The following ARHGAP24 variants were observed in gnomAD, a reference collection of about 807,000 sequenced individuals.
ARHGAP24 encodes the protein Rho GTPase activating protein 24.
A neutral mutation model predicts 76.4 loss-of-function variants in ARHGAP24; 50 were observed. The ratio of observed to expected loss-of-function variants is 0.65; its 90% CI spans 0.52 to 0.83. ARHGAP24 has a LOEUF of 0.83. ARHGAP24 is among the 40% of genes least tolerant of loss of function. The pLI is 0.00. For missense variants in ARHGAP24, 930 were observed against 914.2 expected, an observed-to-expected ratio of 1.02 and a Z score of -0.22; for synonymous variants, 345 against 323.3, an observed-to-expected ratio of 1.07 and a Z score of -0.72.
intron 3 of ARHGAP24, among the ~76,000 whole-genome samples, chr4:85,780,385 G>A (rs1293231420): frequency 6.6e-6 from 1 of 152,188 alleles, no homozygotes; most frequent in East Asian, 1.9e-4. Context: ...TGTTGGCCAC[G>A]CTGGTCTTGA....
chr4:85,921,067 T>TA (rs1234048492), intron 3 of ARHGAP24, among the ~76,000 whole-genome samples: 2 of 152,260 alleles, frequency 1.3e-5, no homozygotes, highest in Admixed American at 1.3e-4. Context: ...ATTATAAAGA[T>TA]ACATGCACAC....
chr4:85,800,078 G>A (rs558718592), intron 3 of ARHGAP24, among the ~76,000 whole-genome samples: 8 of 152,306 alleles, frequency 5.3e-5, no homozygotes, highest in African/African-American at 1.4e-4. Flanking sequence ...GCTGGTGAAA[G>A]CAAAGTAATC....
intron 3 of ARHGAP24, among the ~76,000 whole-genome samples, chr4:85,905,776 T>G (rs1409280997): frequency 6.6e-6 from 1 of 152,170 alleles, no homozygotes; most frequent in African/African-American, 2.4e-5. Context: ...GCAGTCGGTT[T>G]CTCCCACCCC....
chr4:85,701,636 A>G (rs150462190), intron 2 of ARHGAP24, among the ~76,000 whole-genome samples: 60 of 152,224 alleles, frequency 3.9e-4, no homozygotes, highest in Non-Finnish European at 7.1e-4. Context: ...GCCTGTCCTT[A>G]CATTTCATGT....
At chr4:85,900,844 C>T (rs575875828) in intron 3 of ARHGAP24, among the ~76,000 whole-genome samples, 34 of 152,320 alleles carry the variant, frequency 2.2e-4, no homozygotes, top group Admixed American at 1.8e-3. Context: ...CCAAGTTCCA[C>T]TCATGTTTGA....
chr4:85,887,426 A>G (rs1048760064), intron 3 of ARHGAP24, among the ~76,000 whole-genome samples: 3 of 152,184 alleles, frequency 2.0e-5, no homozygotes. Context: ...ATGACATCAA[A>G]TGAAAATCTA....
intron 2 of ARHGAP24, among the ~76,000 whole-genome samples, chr4:85,625,994 A>G (rs1374240855): frequency 1.3e-5 from 2 of 152,210 alleles, no homozygotes; most frequent in Non-Finnish European, 2.9e-5. Flanking sequence ...TCCTGAATAC[A>G]GCACACTGAT....
At chr4:85,479,560 C>G (rs1160079438) in intron 1 of ARHGAP24, among the ~76,000 whole-genome samples, 1 of 152,122 alleles carries the variant, frequency 6.6e-6, no homozygotes, top group African/African-American at 2.4e-5. Flanking sequence ...TAATAATTAT[C>G]TGGAGTGCTG....
In ARHGAP24 at chr4:85,559,253, A is replaced by T. The variant is rs934921231; in HGVS notation, c.-20-11269A>T. 5.3e-5 allele frequency among the ~76,000 whole-genome samples: 8 copies of T among 152,082 alleles called. No individual in the cohort carries two copies. The East Asian group carries it at 1.5e-3, about 29-fold the overall frequency. On this transcript the variant is annotated intron_variant, in intron 1 of 9. Coordinates refer to ENST00000395184, the MANE Select transcript of ARHGAP24 (RefSeq NM_001025616.3). Reference sequence around the variant, plus strand: ...TACTTTTCAGATTTAGGTGTGGAAAACCTCTTAAAAATTAATAAATGAGTT... The same window carrying T: ...TACTTTTCAGATTTAGGTGTGGAAATCCTCTTAAAAATTAATAAATGAGTT...
chr4:85,494,068 G>T (rs1315661042), intron 1 of ARHGAP24, among the ~76,000 whole-genome samples: 1 of 152,128 alleles, frequency 6.6e-6, no homozygotes, highest in East Asian at 1.9e-4. Flanking sequence ...ACAAATCAAG[G>T]TTGTATTTTT....
intron 2 of ARHGAP24, among the ~76,000 whole-genome samples, chr4:85,620,208 C>T (rs9999652): frequency 0.94 from 142,706 of 152,042 alleles, 67,047 homozygotes; most frequent in East Asian, 0.98. Flanking sequence ...TTCAGTTTTT[C>T]TGAAAGAGTT....
intron 3 of ARHGAP24, among the ~76,000 whole-genome samples, chr4:85,761,135 A>G (rs1180695556): frequency 6.6e-6 from 1 of 152,184 alleles, no homozygotes. Flanking sequence ...GTGGTGGTGC[A>G]TCAGCCACAA....
intron 3 of ARHGAP24, among the ~76,000 whole-genome samples, chr4:85,771,830 C>T (rs1220441430): frequency 6.6e-6 from 1 of 152,158 alleles, no homozygotes; most frequent in Non-Finnish European, 1.5e-5. Context: ...CTGCCTCAGC[C>T]TCCCAAGTAT....
At chr4:85,942,460 T>C in intron 5 of ARHGAP24, 187 bp downstream of exon 5, 1 of 624,136 alleles carries the variant, frequency 1.6e-6, no homozygotes, top group South Asian at 2.1e-5. Context: ...CTTAGATATC[T>C]TTCTCTTCCA....
chr4:85,721,866 T>G lies in ARHGAP24; in HGVS notation c.181-19T>G. 1.2e-6 allele frequency: 2 copies of G among 1,600,124 alleles called. No homozygotes were observed. Among genetic ancestry groups the G allele is most frequent in the Non-Finnish European group, 8.6e-7 (1 of 1,167,730 alleles). On this transcript the variant is annotated intron_variant, in intron 2 of 9. Transcript: ENST00000395184. ...TTGCTCTCTGATGATGTTGATGTTT[T>G]GGGTATTTGTTTTCACAGGGTACTA... is the stretch of plus-strand genomic sequence containing the variant.
chr4:85,874,945 T>TTTTTATATAATTTATATATAAATATA (rs1732779372), intron 3 of ARHGAP24, among the ~76,000 whole-genome samples: 1 of 9,320 alleles, frequency 1.1e-4, no homozygotes, highest in African/African-American at 3.3e-4. Context: ...ATATAATATA[T>TTTTTATATAATTTATATATAAATATA]TTTTATATAA....
chr4:85,774,139 C>T (rs1202980480), intron 3 of ARHGAP24, among the ~76,000 whole-genome samples: 1 of 152,186 alleles, frequency 6.6e-6, no homozygotes, highest in Non-Finnish European at 1.5e-5. Flanking sequence ...ATGGCCACCT[C>T]TCTGATGTGG....
intron 1 of ARHGAP24, among the ~76,000 whole-genome samples, chr4:85,558,676 TAGAA>T (rs1400699978): frequency 6.6e-6 from 1 of 152,204 alleles, no homozygotes; most frequent in Non-Finnish European, 1.5e-5. Context: ...TTTATATACT[TAGAA>T]AGCCTAATCA....
At chr4:85,560,075 TG>T (rs1726533151) in intron 1 of ARHGAP24, among the ~76,000 whole-genome samples, 1 of 152,144 alleles carries the variant, frequency 6.6e-6, no homozygotes, top group Non-Finnish European at 1.5e-5. Context: ...ATGTCTGCCT[TG>T]GGCTTCACAA....
Sources: gnomAD v4.1 joint callset for allele counts (sites outside exome capture counted in the v4.1 genomes callset) on GRCh38, gnomAD v4.1.1 for gene constraint, MANE v1.5 for transcripts, NCBI Gene and HGNC (gene_info 2026-07-23, HGNC 2026-07-21) for gene names.